Variants in NT5DC1 observed in about 807,000 individuals in gnomAD.
NT5DC1 encodes the protein 5'-nucleotidase domain containing 1, also known as 5'-nucleotidase domain-containing protein 1.
NT5DC1 carries 42 observed loss-of-function variants against 59.4 expected under a neutral mutation model. That is an observed-to-expected ratio of 0.71 (90% CI 0.55 to 0.92). NT5DC1 has a LOEUF of 0.92. NT5DC1 is among the 40% of genes least tolerant of loss of function. The probability of loss-of-function intolerance (pLI) is 0.00; values close to 1 mark genes in which losing one functional copy is unlikely to be tolerated. For synonymous variants in NT5DC1, 172 were observed against 188.1 expected (o/e 0.91, Z 0.70); for missense variants, 501 against 537.1 (o/e 0.93, Z 0.66).
chr6:116,129,276 T>G (rs141433540), intron 6 of NT5DC1, among the ~76,000 whole-genome samples: 73 of 152,324 alleles, frequency 4.8e-4, no homozygotes, highest in African/African-American at 1.7e-3. Context: ...TACATACATA[T>G]CCACATATAT....
chr6:116,208,484 G>A (rs1288083354), intron 6 of NT5DC1, among the ~76,000 whole-genome samples: 1 of 152,000 alleles, frequency 6.6e-6, no homozygotes, highest in Non-Finnish European at 1.5e-5. Flanking sequence ...TTGTTTTGCT[G>A]TACCAAGGAA....
chr6:116,206,820 C>T (rs918741221), intron 6 of NT5DC1, among the ~76,000 whole-genome samples: 1 of 151,876 alleles, frequency 6.6e-6, no homozygotes, highest in Non-Finnish European at 1.5e-5. Flanking sequence ...AGTGCAGTTT[C>T]CTCTTTACTC....
chr6:116,149,631 C>A (rs1327498141), intron 6 of NT5DC1, among the ~76,000 whole-genome samples: 2 of 151,970 alleles, frequency 1.3e-5, no homozygotes, highest in Non-Finnish European at 2.9e-5. Context: ...ATTGTTTTTC[C>A]AAAAAAGCCC....
In NT5DC1 at chr6:116,108,398, A is replaced by G. The variant is rs770092280; in HGVS notation, c.220A>G (p.Asn74Asp). The G allele has an allele frequency of 1.1e-5, 18 of 1,609,778 alleles. No homozygotes were observed. Among genetic ancestry groups the G allele is most frequent in the African/African-American group, 1.3e-5 (1 of 74,808 alleles). The change falls in exon 3 of 12, where the codon AAC becomes GAC. Residue 74 changes from asparagine to aspartate, a missense_variant. Physicochemically the swap from Asn to Asp is conservative, Grantham distance 23 (BLOSUM62 1). Transcript: ENST00000319550. ...KGLALDLEDGNFLKLANNGTV... is the reference protein window; with the variant it reads ...KGLALDLEDGDFLKLANNGTV... ...TTTGGCATTGGATCTAGAAGATGGGAACTTCCTTAAACTTGCAAATAATGG... is the reference window on the plus strand; with the variant it reads ...TTTGGCATTGGATCTAGAAGATGGGGACTTCCTTAAACTTGCAAATAATGG...
At chr6:116,237,357 T>A in intron 9 of NT5DC1, 1 of 568,298 alleles carries the variant, frequency 1.8e-6, no homozygotes, top group Non-Finnish European at 3.3e-6. Context: ...ACTGAAATTA[T>A]GCTACAGACT....
At chr6:116,129,072 T>C (rs2114323215) in intron 6 of NT5DC1, among the ~76,000 whole-genome samples, 1 of 152,302 alleles carries the variant, frequency 6.6e-6, no homozygotes, top group South Asian at 2.1e-4. Context: ...CCATATATTG[T>C]ACCAATTTAC....
Position 116,205,286 on chromosome 6 carries a change from T to G in NT5DC1, c.530-15768T>G, listed in dbSNP as rs1312523632. On this transcript the variant is annotated intron_variant, in intron 6 of 11. Coordinates refer to ENST00000319550, the MANE Select transcript of NT5DC1 (RefSeq NM_152729.3). The stretch of plus-strand genomic sequence containing the variant: ...TGGTGTGACACTAAAATGACAACAA[T>G]GATACTAGGGACCAGAAACTGAGAG... Among the ~76,000 whole-genome samples the G allele has an allele frequency of 2.6e-5, 4 of 151,870 alleles. No individual in the cohort carries two copies. In the East Asian group the frequency reaches 7.7e-4, roughly 29 times the overall value.
intron 6 of NT5DC1, among the ~76,000 whole-genome samples, chr6:116,135,227 G>A (rs1051475484): frequency 1.3e-5 from 2 of 152,042 alleles, no homozygotes. Flanking sequence ...CCTTAAAGGG[G>A]GAAGATGTTA....
chr6:116,119,044 T>C (rs1385561409), intron 6 of NT5DC1: 1 of 152,682 alleles, frequency 6.5e-6, no homozygotes, highest in African/African-American at 2.4e-5. Context: ...TGTTATTTTA[T>C]TGCGTCGTAA....
chr6:116,152,408 G>T (rs572491695), intron 6 of NT5DC1, among the ~76,000 whole-genome samples: 1 of 151,162 alleles, frequency 6.6e-6, no homozygotes, highest in African/African-American at 2.4e-5. Context: ...TCAAAAATAA[G>T]AAAAAAAAAT....
intron 4 of NT5DC1, among the ~76,000 whole-genome samples, chr6:116,115,139 C>T (rs944459747): frequency 1.3e-5 from 2 of 152,220 alleles, no homozygotes; most frequent in Non-Finnish European, 2.9e-5. Context: ...TGGAATATAC[C>T]TGTCCTATAC....
At chr6:116,150,810 C>T (rs1780020252) in intron 6 of NT5DC1, among the ~76,000 whole-genome samples, 1 of 152,006 alleles carries the variant, frequency 6.6e-6, no homozygotes, top group Non-Finnish European at 1.5e-5. Context: ...ACCTTGGAGT[C>T]TTATATATCT....
intron 6 of NT5DC1, among the ~76,000 whole-genome samples, chr6:116,216,691 ACAG>A (rs1442172273): frequency 6.6e-6 from 1 of 152,028 alleles, no homozygotes; most frequent in Non-Finnish European, 1.5e-5. Context: ...TGTTATATAA[ACAG>A]CAAATCTGTT....
intron 8 of NT5DC1, 147 bp from the exon 9 acceptor site, chr6:116,236,819 T>C: frequency 1.7e-6 from 1 of 603,196 alleles, no homozygotes; most frequent in Non-Finnish European, 3.0e-6. Context: ...AAGGGCCTTA[T>C]AATATGTAGG....
rs1771894953 is a variant in NT5DC1, at chr6:116,248,938, T to C, written c.*4914T>C. The C allele has an allele frequency of 6.6e-6, 1 of 152,172 alleles. No individual in the cohort carries two copies. The allele number at this position is 152,172 out of a possible 1,614,324, so 9.4% of individuals were successfully genotyped here. ...ACCATGCTAATCTGTAACAAATAAGTGGCGCCAGCCTATTACAGTGAATGC... is the reference window on the plus strand; with the variant it reads ...ACCATGCTAATCTGTAACAAATAAGCGGCGCCAGCCTATTACAGTGAATGC... On this transcript the variant is annotated 3_prime_UTR_variant, in exon 12 of 12. Coordinates refer to ENST00000319550, the MANE Select transcript of NT5DC1 (RefSeq NM_152729.3).
chr6:116,101,795 A>G (rs1217720491), intron 1 of NT5DC1, among the ~76,000 whole-genome samples: 2 of 152,152 alleles, frequency 1.3e-5, no homozygotes, highest in Non-Finnish European at 2.9e-5. Context: ...TGGTTTCCCA[A>G]TTCCCAAGGA....
chr6:116,154,130 T>C (rs1780121970), intron 6 of NT5DC1, among the ~76,000 whole-genome samples: 1 of 151,946 alleles, frequency 6.6e-6, no homozygotes, highest in Non-Finnish European at 1.5e-5. Context: ...CATTGATTTG[T>C]AGTGTACTTT....
At chr6:116,170,769 A>G (rs563807781) in intron 6 of NT5DC1, among the ~76,000 whole-genome samples, 2 of 152,298 alleles carry the variant, frequency 1.3e-5, no homozygotes, top group South Asian at 2.1e-4. Context: ...TCTGAAATCA[A>G]CTGAAAATAC....
rs375386128 is a variant in NT5DC1, at chr6:116,232,815, T to C, written c.803-4151T>C. ...TCCATATGTTCTTACAATAAGAAAA[T>C]AAAAAGATTTACTTCATTGTAGTAA... On this transcript the variant is annotated intron_variant, in intron 8 of 11. Coordinates refer to ENST00000319550, the MANE Select transcript of NT5DC1 (RefSeq NM_152729.3). 3.3e-5 allele frequency among the ~76,000 whole-genome samples: 5 copies of C among 152,182 alleles called. No homozygotes were observed. In the South Asian group the frequency reaches 6.2e-4, roughly 19 times the overall value.
Sources: gnomAD v4.1 joint callset for allele counts (sites outside exome capture counted in the v4.1 genomes callset) on GRCh38, gnomAD v4.1.1 for gene constraint, MANE v1.5 for transcripts, NCBI Gene and HGNC (gene_info 2026-07-23, HGNC 2026-07-21) for gene names.